KTN1: variants seen among roughly 807,000 people sequenced by gnomAD.
The protein encoded by KTN1 is kinectin 1, also known as kinectin.
In KTN1, 130 loss-of-function variants were observed where a neutral mutation model predicts 222.5. The observed-to-expected ratio is 0.58, with a 90% confidence interval of 0.51 to 0.68. The LOEUF (loss-of-function observed/expected upper bound fraction) is 0.68. Among genes scored for constraint, KTN1 ranks in the 30% least tolerant of loss-of-function variants. KTN1 has a pLI of 0.00. For synonymous variants in KTN1, 512 were observed against 496.3 expected (o/e 1.03, Z -0.42); for missense variants, 1,508 against 1,500.4 (o/e 1.01, Z -0.08).
intron 4 of KTN1, 128 bp from the exon 5 acceptor site, chr14:55,619,054 G>GTATA: frequency 9.0e-6 from 6 of 666,752 alleles, no homozygotes; most frequent in Non-Finnish European, 1.5e-5. Flanking sequence ...TTAACCTGAA[G>GTATA]TATATATCTG....
At chr14:55,618,993 A>G (rs562339586) in intron 4 of KTN1, among the ~76,000 whole-genome samples, 189 bp from the exon 5 acceptor site, 2 of 152,326 alleles carry the variant, frequency 1.3e-5, no homozygotes, top group African/African-American at 2.4e-5. Context: ...ATTATTCCGT[A>G]TTATAGATGA....
chr14:55,665,814 G>C (rs1371039102), intron 33 of KTN1, among the ~76,000 whole-genome samples: 1 of 151,944 alleles, frequency 6.6e-6, no homozygotes, highest in Non-Finnish European at 1.5e-5. Context: ...CCAAACTACT[G>C]TGTCAGATGA....
intron 40 of KTN1, 58 bp from the exon 41 acceptor site, chr14:55,675,777 A>G (rs1173574465): frequency 8.9e-7 from 1 of 1,124,550 alleles, no homozygotes; most frequent in Non-Finnish European, 1.4e-6. Context: ...TAGAGGTATC[A>G]GCATAATCAA....
intron 43 of KTN1, chr14:55,680,802 A>G (rs2046302303): frequency 2.3e-6 from 2 of 878,140 alleles, no homozygotes; most frequent in African/African-American, 1.7e-5. Flanking sequence ...CAACATATCA[A>G]CAAAAGTAAT....
intron 43 of KTN1, chr14:55,681,971 T>G (rs2046411719): frequency 6.6e-6 from 1 of 152,128 alleles, no homozygotes. Flanking sequence ...ACATTGAAAA[T>G]ACACATTTCT....
rs780830529 is a variant in KTN1, at chr14:55,670,826, A to G, written c.3348+17A>G. 2.6e-6 allele frequency: 4 copies of G among 1,510,500 alleles called. No homozygotes were observed. Among genetic ancestry groups the G allele is most frequent in the Non-Finnish European group, 1.8e-6 (2 of 1,095,856 alleles). The allele number at this position is 1,510,500 out of a possible 1,614,324, so 93.6% of individuals were successfully genotyped here. A position where few individuals can be genotyped will look rare whatever the true frequency, so the allele number is the denominator to read the frequency against. On this transcript the variant is annotated intron_variant, in intron 35 of 43. Transcript: ENST00000395314. ...GAGGTTAAGGTTAGTTCAGCAAATGAACTGTTTGTAATTTAAACATAGAAA... is the reference window on the plus strand; with the variant it reads ...GAGGTTAAGGTTAGTTCAGCAAATGGACTGTTTGTAATTTAAACATAGAAA...
intron 1 of KTN1, among the ~76,000 whole-genome samples, chr14:55,587,334 T>G (rs1057183945): frequency 6.6e-6 from 1 of 152,194 alleles, no homozygotes; most frequent in African/African-American, 2.4e-5. Context: ...GAAAACAATT[T>G]GAAACATGAA....
intron 2 of KTN1, among the ~76,000 whole-genome samples, chr14:55,614,689 A>G (rs764546944): frequency 2.7e-4 from 41 of 152,352 alleles, no homozygotes; most frequent in Admixed American, 6.5e-5. Context: ...TCACTCATTC[A>G]TAATATGTTT....
Position 55,641,695 on chromosome 14 carries a change from C to G in KTN1, c.2107C>G (p.Leu703Val). The change falls in exon 18 of 44, where the codon CTA becomes GTA. Residue 703 changes from leucine (L) to valine (V), a missense_variant. By Grantham distance (32) the Leu-to-Val change is conservative. Coordinates refer to ENST00000395314, the MANE Select transcript of KTN1 (RefSeq NM_001079521.2). Reference protein sequence around the residue: ...ISNKMEEFKILNDQNKALKSE... With the variant: ...ISNKMEEFKIVNDQNKALKSE... ...AAATTGAGACTCTTTCTTCCAGATT[C>G]TAAATGACCAAAACAAAGCATTAAA... The G allele has an allele frequency of 6.3e-7, 1 of 1,586,574 alleles. No homozygotes were observed. The highest frequency in any genetic ancestry group is 8.7e-7 in the Non-Finnish European group (1 of 1,155,314).
intron 28 of KTN1, among the ~76,000 whole-genome samples, chr14:55,655,324 CT>C (rs1293133603): frequency 1.3e-5 from 2 of 152,140 alleles, no homozygotes; most frequent in Non-Finnish European, 2.9e-5. Flanking sequence ...GAGTTTTTCC[CT>C]TTTTATACAT....
intron 1 of KTN1, among the ~76,000 whole-genome samples, chr14:55,596,525 G>T (rs2035067944): frequency 6.6e-6 from 1 of 152,124 alleles, no homozygotes; most frequent in African/African-American, 2.4e-5. Flanking sequence ...CTATATTTTA[G>T]GTTCTGATAA....
intron 32 of KTN1, chr14:55,663,608 G>T (rs1051321437): frequency 8.5e-5 from 16 of 189,168 alleles, no homozygotes; most frequent in African/African-American, 2.6e-4. Flanking sequence ...TTCTATATTT[G>T]CTCTGTCTTT....
chr14:55,614,568 T>C (rs775806928), intron 2 of KTN1, among the ~76,000 whole-genome samples: 6 of 152,166 alleles, frequency 3.9e-5, no homozygotes, highest in African/African-American at 7.2e-5. Context: ...AGAACACTTT[T>C]TGCATTTTAA....
chr14:55,589,656 C>CTTTTTTTTTTT (rs765755065), intron 1 of KTN1, among the ~76,000 whole-genome samples: 3 of 102,062 alleles, frequency 2.9e-5, no homozygotes, highest in Non-Finnish European at 5.7e-5. Context: ...CATCTGATTT[C>CTTTTTTTTTTT]TTTTTTTTTT....
Position 55,641,206 on chromosome 14 carries a change from A to C in KTN1, c.2101A>C (p.Lys701Gln). The change falls in exon 17 of 44, where the codon AAG becomes CAG. Residue 701 changes from lysine to glutamine, a missense_variant and splice_region_variant. Transcript: ENST00000395314. The stretch of plus-strand genomic sequence containing the variant: ...AATTTCAAACAAAATGGAAGAATTT[A>C]AGGTGTGTGATTAAGCTTGTACACT... The part of the protein sequence containing the change: ...HEISNKMEEF[K>Q]ILNDQNKALK... 1 of 1,572,824 alleles carries C rather than the reference A, an allele frequency of 6.4e-7. No homozygotes were observed. Among genetic ancestry groups the C allele is most frequent in the Non-Finnish European group, 8.7e-7 (1 of 1,155,112 alleles).
At chr14:55,630,943 A>T (rs2040435237) in intron 7 of KTN1, among the ~76,000 whole-genome samples, 1 of 152,128 alleles carries the variant, frequency 6.6e-6, no homozygotes, top group Admixed American at 6.5e-5. Context: ...GGGAGAGGTG[A>T]TAGTGAAGAA....
intron 2 of KTN1, among the ~76,000 whole-genome samples, chr14:55,613,069 A>G (rs545363463): frequency 6.6e-6 from 1 of 152,306 alleles, no homozygotes; most frequent in South Asian, 2.1e-4. Flanking sequence ...TGATTGCTTC[A>G]TTTTGCTAAC....
chr14:55,639,302 CT>C, intron 13 of KTN1, 80 bp downstream of exon 13: 1 of 959,650 alleles, frequency 1.0e-6, no homozygotes. Context: ...TTATGATTAA[CT>C]TTATACCTCT....
intron 1 of KTN1, among the ~76,000 whole-genome samples, chr14:55,596,150 A>G (rs2034989282): frequency 6.7e-6 from 1 of 148,244 alleles, no homozygotes; most frequent in African/African-American, 2.5e-5. Flanking sequence ...GCAAGACTCA[A>G]TAGCAAAAAA....
Sources: gnomAD v4.1 joint callset for allele counts (sites outside exome capture counted in the v4.1 genomes callset) on GRCh38, gnomAD v4.1.1 for gene constraint, MANE v1.5 for transcripts, NCBI Gene and HGNC (gene_info 2026-07-23, HGNC 2026-07-21) for gene names.